Variants in TCF3 observed in about 807,000 individuals in gnomAD.
TCF3 encodes transcription factor E2-alpha.
TCF3 carries 54 observed loss-of-function variants against 72.3 expected under a neutral mutation model. The observed-to-expected ratio is 0.75, with a 90% confidence interval of 0.60 to 0.94. The LOEUF (loss-of-function observed/expected upper bound fraction) is 0.94, where lower values mean the gene tolerates loss of function less well. Among genes scored for constraint, TCF3 ranks in the 40% least tolerant of loss-of-function variants. TCF3 has a pLI of 0.00. For missense variants in TCF3, 1,078 were observed against 934.4 expected, an observed-to-expected ratio of 1.15 and a Z score of -2.00; for synonymous variants, 525 against 412.6, an observed-to-expected ratio of 1.27 and a Z score of -3.30.
At chr19:1,643,150 G>A (rs971777945) in intron 3 of TCF3, among the ~76,000 whole-genome samples, 9 of 152,024 alleles carry the variant, frequency 5.9e-5, no homozygotes, top group South Asian at 2.1e-4. Flanking sequence ...AATTATTCCC[G>A]TTTTAAATGT....
intron 1 of TCF3, chr19:1,650,527 G>C: frequency 2.4e-6 from 1 of 410,526 alleles, no homozygotes; most frequent in Non-Finnish European, 4.3e-6. Flanking sequence ...TCTGAAAAAT[G>C]GGGGGAGGGT....
intron 5 of TCF3, among the ~76,000 whole-genome samples, chr19:1,627,842 AG>A (rs1295433854): frequency 9.6e-5 from 2 of 20,886 alleles, no homozygotes; most frequent in Admixed American, 4.6e-4. Flanking sequence ...CAGAGCTCAC[AG>A]GGGGTGAGGC....
chr19:1,651,128 G>A lies in TCF3; in HGVS notation c.-39-841C>T, dbSNP rs554112851. On this transcript the variant is annotated intron_variant, in intron 1 of 18. Transcript: ENST00000262965. The stretch of plus-strand genomic sequence containing the variant: ...CCCAGGGGGCTCCATTCTAAGATGG[G>A]GGATGGGGGATCCACCTGCCAAGAC... 2.1e-3 allele frequency: 494 copies of A among 232,208 alleles called. 1 individual carries two copies. Among genetic ancestry groups the A allele is most frequent in the Non-Finnish European group, 3.7e-3 (431 of 117,358 alleles). The allele number at this position is 232,208 out of a possible 1,614,324, so 14.4% of individuals were successfully genotyped here. A position where few individuals can be genotyped will look rare whatever the true frequency, so the allele number is the denominator to read the frequency against.
rs2060894773 is a variant in TCF3 at position 1,610,313 on chromosome 19, C to G, written c.*1394G>C. On this transcript the variant is annotated 3_prime_UTR_variant, in exon 19 of 19. Transcript: ENST00000262965. ...CTTGGACCACACAGAGGGAGGGCAG[C>G]AGGTGTGGCCCCAGGCCCAGGGATG... 4.3e-6 allele frequency: 1 copy of G among 231,748 alleles called. No individual in the cohort carries two copies. Among genetic ancestry groups the G allele is most frequent in the African/African-American group, 2.2e-5 (1 of 45,206 alleles). 14.4% of individuals were successfully genotyped at this position (231,748 alleles called of 1,614,324 possible).
chr19:1,631,927 T>C, intron 5 of TCF3, 111 bp downstream of exon 5: 1 of 1,544,618 alleles, frequency 6.5e-7, no homozygotes, highest in Non-Finnish European at 8.7e-7. Flanking sequence ...GTCCACACCC[T>C]CTGGGTGAAC....
At chr19:1,626,781 G>A (rs1220156869) in intron 6 of TCF3, among the ~76,000 whole-genome samples, 1 of 152,166 alleles carries the variant, frequency 6.6e-6, no homozygotes, top group African/African-American at 2.4e-5. Context: ...CCATCACTAT[G>A]GCTACTGTTG....
chr19:1,626,161 C>T (rs377136606), intron 6 of TCF3, among the ~76,000 whole-genome samples: 10 of 152,286 alleles, frequency 6.6e-5, no homozygotes, highest in South Asian at 2.1e-4. Context: ...GCATTTCATC[C>T]GTTCTAAGGC....
chr19:1,616,232 T>C (rs989529472), intron 16 of TCF3, among the ~76,000 whole-genome samples: 1 of 152,086 alleles, frequency 6.6e-6, no homozygotes, highest in Non-Finnish European at 1.5e-5. Context: ...GCCAGCATTT[T>C]GGGAGGCCGA....
At chr19:1,617,430 C>G (rs1024603883) in intron 16 of TCF3, among the ~76,000 whole-genome samples, 75 of 152,352 alleles carry the variant, frequency 4.9e-4, no homozygotes, top group African/African-American at 1.7e-3. Context: ...ACAATAATTG[C>G]AAAACATGTG....
chr19:1,645,774 C>T (rs1312489680), intron 3 of TCF3, among the ~76,000 whole-genome samples: 1 of 152,202 alleles, frequency 6.6e-6, no homozygotes, highest in Non-Finnish European at 1.5e-5. Flanking sequence ...GTGACCCGCT[C>T]ATCCAGGTCA....
intron 8 of TCF3, among the ~76,000 whole-genome samples, chr19:1,623,300 G>A (rs768212430): frequency 2.0e-5 from 3 of 152,030 alleles, no homozygotes; most frequent in Admixed American, 6.6e-5. Context: ...GACCATCTGC[G>A]AGGCCTGGTA....
chr19:1,640,536 C>G (rs10410587), intron 3 of TCF3, among the ~76,000 whole-genome samples: 1,715 of 150,836 alleles, frequency 0.011, 37 homozygotes, highest in African/African-American at 0.039. Context: ...TCAAGAAACA[C>G]TGATGTAAGC....
intron 3 of TCF3, among the ~76,000 whole-genome samples, chr19:1,638,359 T>C (rs529531750): frequency 1.3e-5 from 2 of 152,236 alleles, no homozygotes; most frequent in South Asian, 4.1e-4. Context: ...AGATACAATG[T>C]TTTTTTGTTT....
intron 5 of TCF3, among the ~76,000 whole-genome samples, chr19:1,629,911 C>G (rs901912606): frequency 1.3e-5 from 2 of 152,192 alleles, no homozygotes; most frequent in African/African-American, 4.8e-5. Flanking sequence ...AAGATGACAG[C>G]CACGACCCAC....
At chr19:1,629,891 G>T (rs2144785907) in intron 5 of TCF3, among the ~76,000 whole-genome samples, 1 of 152,316 alleles carries the variant, frequency 6.6e-6, no homozygotes, top group South Asian at 2.1e-4. Flanking sequence ...TGACCCGGGG[G>T]GACATGGGGA....
rs762260573 is a variant in TCF3 at position 1,625,570 on chromosome 19, G to C, written c.499+6C>G. ...GCCCCCGATGCCCCGGCCAGACCCC[G>C]CTCACCTAGGCTGCCGTCTGCCGCT... On this transcript the variant is annotated splice_donor_region_variant and intron_variant, in intron 7 of 18. Coordinates refer to ENST00000262965, the MANE Select transcript of TCF3 (RefSeq NM_003200.5). The C allele has an allele frequency of 1.9e-6, 3 of 1,576,794 alleles. No individual in the cohort carries two copies. The highest frequency in any genetic ancestry group is 2.6e-6 in the Non-Finnish European group (3 of 1,165,246).
At position 1,645,760 on chromosome 19, in the gene TCF3, G is replaced by T. The variant is rs540216512; in HGVS notation, c.145+595C>A. Among the ~76,000 whole-genome samples, 258 of 152,238 alleles carry T rather than the reference G, an allele frequency of 1.7e-3. 1 individual carries two copies. The highest frequency in any genetic ancestry group is 2.8e-3 in the Non-Finnish European group (193 of 68,000). ...TCCCGCCCACTGCTGTGTCATCAGCGAGGGTGACCCGCTCATCCAGGTCAG... is the reference window on the plus strand; with the variant it reads ...TCCCGCCCACTGCTGTGTCATCAGCTAGGGTGACCCGCTCATCCAGGTCAG... On this transcript the variant is annotated intron_variant, in intron 3 of 18. Coordinates refer to ENST00000262965, the MANE Select transcript of TCF3 (RefSeq NM_003200.5).
chr19:1,632,468 G>T, intron 3 of TCF3, 63 bp from the exon 4 acceptor site: 1 of 1,512,820 alleles, frequency 6.6e-7, no homozygotes, highest in Non-Finnish European at 9.0e-7. Flanking sequence ...AAAAGCTTCG[G>T]TTCATCATCT....
rs771354127 is a variant in TCF3, at chr19:1,622,184, G to C, written c.692C>G (p.Pro231Arg). The part of the protein sequence containing the change: ...LHPSAELWSP[P>R]GQAGFGPMLG... The stretch of plus-strand genomic sequence containing the variant: ...CATGGGCCCGAAGCCCGCCTGGCCC[G>C]GGGGACTCCAGAGCTCGGCTGAGGG... Residue 231 changes from proline (P) to arginine (R), a missense_variant, in exon 10 of 19, where the codon CCG becomes CGG. By Grantham distance (103) the Pro-to-Arg change is moderately radical. Transcript: ENST00000262965. 6.4e-7 allele frequency: 1 copy of C among 1,567,508 alleles called. No homozygotes were observed. Among genetic ancestry groups the C allele is most frequent in the African/African-American group, 1.4e-5 (1 of 74,062 alleles).
Sources: gnomAD v4.1 joint callset for allele counts (sites outside exome capture counted in the v4.1 genomes callset) on GRCh38, gnomAD v4.1.1 for gene constraint, MANE v1.5 for transcripts, NCBI Gene and HGNC (gene_info 2026-07-23, HGNC 2026-07-21) for gene names.